LIN54: variants seen among roughly 807,000 people sequenced by gnomAD.
LIN54 encodes the protein lin-54 DREAM MuvB core complex component, also known as protein lin-54 homolog.
LIN54 carries 9 observed loss-of-function variants against 78.7 expected under a neutral mutation model. The observed-to-expected ratio is 0.11, with a 90% CI of 0.07 to 0.20. The LOEUF is 0.20. Ranked by LOEUF, LIN54 falls within the 10% of genes least tolerant of loss-of-function variation. The pLI is 1.00. For missense variants in LIN54, 573 were observed against 889.9 expected, an observed-to-expected ratio of 0.64 and a Z score of 4.53; for synonymous variants, 269 against 318.4, an observed-to-expected ratio of 0.84 and a Z score of 1.65.
intron 1 of LIN54, among the ~76,000 whole-genome samples, chr4:82,992,482 C>G (rs914342262): frequency 2.6e-5 from 4 of 151,924 alleles, no homozygotes; most frequent in Non-Finnish European, 4.4e-5. Context: ...TGAGACCAGT[C>G]GGGACAACAT....
chr4:82,929,424 T>C (rs546384768), intron 12 of LIN54, among the ~76,000 whole-genome samples: 4 of 152,318 alleles, frequency 2.6e-5, no homozygotes, highest in African/African-American at 9.6e-5. Flanking sequence ...TCCCAGGTTA[T>C]AAGTCTTATT....
chr4:82,973,049 G>A (rs1386641356), intron 3 of LIN54, among the ~76,000 whole-genome samples: 2 of 150,940 alleles, frequency 1.3e-5, no homozygotes, highest in East Asian at 3.9e-4. Flanking sequence ...ACTTAAAACA[G>A]GAACAAAAGT....
intron 3 of LIN54, among the ~76,000 whole-genome samples, chr4:82,974,582 C>T (rs895608434): frequency 2.6e-5 from 4 of 151,428 alleles, no homozygotes; most frequent in Non-Finnish European, 5.9e-5. Flanking sequence ...ACTAAAAATA[C>T]AAAAATTAGC....
intron 1 of LIN54, among the ~76,000 whole-genome samples, chr4:82,986,451 C>T (rs559195739): frequency 2.5e-4 from 38 of 152,172 alleles, no homozygotes; most frequent in African/African-American, 7.9e-4. Context: ...ACCACCCCGG[C>T]TGGGCATTCT....
chr4:82,936,474 A>G (rs1293268616), intron 9 of LIN54, 93 bp from the exon 10 acceptor site: 1 of 619,216 alleles, frequency 1.6e-6, no homozygotes, highest in Non-Finnish European at 2.8e-6. Context: ...TTGTACACAT[A>G]CTACATATGT....
At chr4:82,978,840 G>T in intron 3 of LIN54, 43 bp downstream of exon 3, 1 of 1,246,794 alleles carries the variant, frequency 8.0e-7, no homozygotes, top group Non-Finnish European at 1.1e-6. Flanking sequence ...AAATCTAAAA[G>T]GAAGATAAAT....
intron 1 of LIN54, among the ~76,000 whole-genome samples, chr4:82,990,611 G>A (rs984213915): frequency 2.0e-5 from 3 of 152,050 alleles, no homozygotes; most frequent in Admixed American, 6.5e-5. Flanking sequence ...AGCCTCCTGA[G>A]TAGCTGGGAC....
At chr4:82,940,498 T>C (rs1207311439) in intron 5 of LIN54, among the ~76,000 whole-genome samples, 1 of 152,182 alleles carries the variant, frequency 6.6e-6, no homozygotes, top group Admixed American at 6.5e-5. Flanking sequence ...GTTCAAGCGA[T>C]TCTTGTGCCT....
chr4:82,984,830 T>C lies in LIN54; in HGVS notation c.15A>G (p.Pro5=). 2.5e-6 allele frequency: 4 copies of C among 1,609,906 alleles called. No homozygotes were observed. Among genetic ancestry groups the C allele is most frequent in the Non-Finnish European group, 3.4e-6 (4 of 1,177,900 alleles). The change falls in exon 2 of 13, where the codon CCA becomes CCG. Residue 5 remains proline, a synonymous_variant. Coordinates refer to ENST00000340417, the MANE Select transcript of LIN54 (RefSeq NM_194282.4). MEVV[P]AEVNSLLPEE... The stretch of plus-strand genomic sequence containing the variant: ...CTGGAAGCAAACTATTCACCTCAGC[T>C]GGCACCACCTCCATGATCGTTCTCC...
rs564286046 is a variant in LIN54, at chr4:82,977,881, G to A, written c.808+1002C>T. 7.9e-5 allele frequency among the ~76,000 whole-genome samples: 12 copies of A among 152,314 alleles called. No individual in the cohort carries two copies. In the East Asian group the frequency reaches 2.3e-3, roughly 29 times the overall value. ...TGGATTAAAGACCAATCACTTGGCT[G>A]TGTGCTTTTCTCTAAAAAACTTGAG... On this transcript the variant is annotated intron_variant, in intron 3 of 12. Transcript: ENST00000340417.
chr4:82,937,347 AAAATT>A, intron 8 of LIN54, 49 bp from the exon 9 acceptor site: 1 of 1,195,664 alleles, frequency 8.4e-7, no homozygotes, highest in Non-Finnish European at 1.2e-6. Flanking sequence ...AATAGTAACT[AAAATT>A]AATTTAGTTG....
chr4:82,992,968 CAGTG>C (rs1727862052), intron 1 of LIN54, among the ~76,000 whole-genome samples: 1 of 148,442 alleles, frequency 6.7e-6, no homozygotes, highest in Admixed American at 6.8e-5. Flanking sequence ...GCGGAGCTTG[CAGTG>C]AGCTGAGATC....
intron 3 of LIN54, among the ~76,000 whole-genome samples, chr4:82,971,704 G>C (rs1367908583): frequency 6.6e-6 from 1 of 152,044 alleles, no homozygotes; most frequent in Non-Finnish European, 1.5e-5. Flanking sequence ...CACTAAGAAA[G>C]AACTTCTAAC....
chr4:82,927,901 G>T lies in LIN54; in HGVS notation c.*201C>A. ...TAATAAAGAAAAATTCAATTTAGAA[G>T]GGGCATAAGCAGATTTAACTAAGAT... On this transcript the variant is annotated 3_prime_UTR_variant, in exon 13 of 13. Coordinates refer to ENST00000340417, the MANE Select transcript of LIN54 (RefSeq NM_194282.4). The T allele has an allele frequency of 2.1e-6, 1 of 485,566 alleles. No individual in the cohort carries two copies. Among genetic ancestry groups the T allele is most frequent in the Non-Finnish European group, 3.6e-6 (1 of 275,628 alleles). 30.1% of individuals were successfully genotyped at this position (485,566 alleles called of 1,614,324 possible).
chr4:82,937,324 C>T (rs774587481), intron 8 of LIN54, 26 bp from the exon 9 acceptor site: 9 of 1,485,652 alleles, frequency 6.1e-6, no homozygotes, highest in South Asian at 1.3e-5. Context: ...AAAAGATATA[C>T]ATTTAATCAA....
At chr4:82,999,124 T>C (rs186152748) in intron 1 of LIN54, among the ~76,000 whole-genome samples, 1 of 152,340 alleles carries the variant, frequency 6.6e-6, no homozygotes, top group Non-Finnish European at 1.5e-5. Flanking sequence ...TTCCAGTAAA[T>C]TGTGTATTGC....
At chr4:82,929,454 A>G (rs1442706322) in intron 12 of LIN54, among the ~76,000 whole-genome samples, 1 of 152,138 alleles carries the variant, frequency 6.6e-6, no homozygotes, top group Non-Finnish European at 1.5e-5. Flanking sequence ...GACCACTTCC[A>G]CTTTATTCAG....
intron 12 of LIN54, among the ~76,000 whole-genome samples, chr4:82,930,637 C>T (rs966843368): frequency 3.3e-5 from 5 of 152,188 alleles, no homozygotes; most frequent in Admixed American, 1.3e-4. Flanking sequence ...CATAATTACA[C>T]GTTCAGCGAG....
At chr4:83,005,951 T>TA (rs893326044) in intron 1 of LIN54, among the ~76,000 whole-genome samples, 62 of 152,048 alleles carry the variant, frequency 4.1e-4, no homozygotes, top group Admixed American at 2.0e-3. Context: ...TACGTAGCCA[T>TA]AAAAAAAGAA....
Sources: allele counts gnomAD v4.1 joint callset (sites outside exome capture counted in the v4.1 genomes callset), GRCh38; gene constraint gnomAD v4.1.1; transcripts MANE v1.5; gene names NCBI Gene and HGNC (gene_info 2026-07-23, HGNC 2026-07-21).